The following FGF13 variants were observed in gnomAD, a reference collection of about 807,000 sequenced individuals.
The protein encoded by FGF13 is fibroblast growth factor 13.
FGF13 carries 2 observed loss-of-function variants against 19.5 expected under a neutral mutation model. That is an observed-to-expected ratio of 0.10 (90% confidence interval 0.04 to 0.32). FGF13 has a LOEUF of 0.32. Among genes scored for constraint, FGF13 ranks in the 10% least tolerant of loss-of-function variants. FGF13 has a pLI of 1.00. For synonymous variants in FGF13, 72 were observed against 76.9 expected (o/e 0.94, Z 0.33); for missense variants, 113 against 192.7 (o/e 0.59, Z 2.45).
At chrX:138,890,047 G>A (rs1439166606) in intron 1 of FGF13, among the ~76,000 whole-genome samples, 1 of 109,579 alleles carries the variant, frequency 9.1e-6, no homozygotes, top group Non-Finnish European at 1.9e-5. Flanking sequence ...TCCTGCCTCG[G>A]CCTCCCAAGT....
chrX:139,134,782 G>T (rs1314804582), intron 1 of FGF13, among the ~76,000 whole-genome samples: 1 of 112,069 alleles, frequency 8.9e-6, no homozygotes, highest in Non-Finnish European at 1.9e-5. Flanking sequence ...CCCAGTAGCT[G>T]GGATTACAGG....
intron 3 of FGF13, among the ~76,000 whole-genome samples, chrX:138,770,983 T>A (rs2090541050): frequency 9.0e-6 from 1 of 111,235 alleles, no homozygotes; most frequent in African/African-American, 3.3e-5. Flanking sequence ...CCCTCTGGCC[T>A]GGTAACATTT....
At position 138,619,493 on chromosome X, in the gene FGF13, T is replaced by C. The variant is rs2088997230; in HGVS notation, c.*13357A>G. ...GTACCCCAGAACTTCAAGTATAATA[T>C]AAAAAGAAAGAAAGACAGAAACTAT... On this transcript the variant is annotated 3_prime_UTR_variant, in exon 5 of 5. Coordinates refer to ENST00000315930, the MANE Select transcript of FGF13 (RefSeq NM_004114.5). 9.1e-6 allele frequency: 1 copy of C among 110,383 alleles called. No homozygotes were observed. Among genetic ancestry groups the C allele is most frequent in the Admixed American group, 9.7e-5 (1 of 10,343 alleles). The allele number at this position is 110,383 out of a possible 1,213,427, so 9.1% of individuals were successfully genotyped here.
chrX:139,096,632 T>C (rs188683253), intron 1 of FGF13, among the ~76,000 whole-genome samples: 48 of 111,899 alleles, frequency 4.3e-4, no homozygotes, highest in African/African-American at 1.1e-3. Flanking sequence ...AGCAATTATG[T>C]GGACTTTGAA....
At chrX:139,164,431 G>A (rs993726129) in intron 1 of FGF13, among the ~76,000 whole-genome samples, 5 of 111,218 alleles carry the variant, frequency 4.5e-5, no homozygotes, top group African/African-American at 1.3e-4. Context: ...AGTGGCTCAC[G>A]CCTGTAATCT....
At chrX:139,145,565 T>C (rs1288988341) in intron 1 of FGF13, among the ~76,000 whole-genome samples, 1 of 110,092 alleles carries the variant, frequency 9.1e-6, no homozygotes, top group Non-Finnish European at 1.9e-5. Context: ...CCATAAAACT[T>C]ACACTCCAAC....
intron 1 of FGF13, among the ~76,000 whole-genome samples, chrX:139,180,156 C>T (rs1237823477): frequency 2.7e-5 from 3 of 112,351 alleles, no homozygotes; most frequent in African/African-American, 9.7e-5. Flanking sequence ...CCTTCCTTGA[C>T]ATACCCCACC....
At chrX:138,808,033 G>A (rs182161535) in intron 3 of FGF13, among the ~76,000 whole-genome samples, 156 of 111,289 alleles carry the variant, frequency 1.4e-3, no homozygotes, top group African/African-American at 5.0e-3. Flanking sequence ...ACAGATCAAC[G>A]AGACAGAAAG....
intron 3 of FGF13, among the ~76,000 whole-genome samples, chrX:138,850,904 A>C (rs2091217428): frequency 1.8e-5 from 2 of 111,328 alleles, no homozygotes; most frequent in South Asian, 7.7e-4. Context: ...CTCTCACCTC[A>C]ACATGCTCCG....
At chrX:139,069,493 T>C (rs1603179841) in intron 1 of FGF13, among the ~76,000 whole-genome samples, 1 of 86,905 alleles carries the variant, frequency 1.2e-5, no homozygotes, top group Non-Finnish European at 2.2e-5. Context: ...GGGATAGCAT[T>C]GGGAGATATA....
chrX:138,968,675 G>A (rs1051425040), intron 1 of FGF13, among the ~76,000 whole-genome samples: 1 of 112,159 alleles, frequency 8.9e-6, no homozygotes, highest in African/African-American at 3.2e-5. Context: ...AGAAGCTATA[G>A]TGAAACTCTG....
chrX:138,702,795 C>T lies in FGF13; in HGVS notation c.402+189G>A, dbSNP rs6654352. Among the ~76,000 whole-genome samples, 960 of 112,463 alleles carry T rather than the reference C, an allele frequency of 8.5e-3. 8 individuals are homozygous for T. Among genetic ancestry groups the T allele is most frequent in the African/African-American group, 0.029 (905 of 30,946 alleles). On this transcript the variant is annotated intron_variant, in intron 3 of 4. Coordinates refer to ENST00000315930, the MANE Select transcript of FGF13 (RefSeq NM_004114.5). ...CTTTGATTATATACTAAAATGCTTG[C>T]TTCAAATAACTGATTAGTAATAGAT...
At chrX:138,983,313 CT>C (rs1373790121) in intron 1 of FGF13, among the ~76,000 whole-genome samples, 1 of 106,616 alleles carries the variant, frequency 9.4e-6, no homozygotes, top group East Asian at 3.0e-4. Context: ...TAATTTTATT[CT>C]TTTGCATGTG....
At chrX:138,772,970 A>C (rs986095005) in intron 3 of FGF13, among the ~76,000 whole-genome samples, 11 of 110,076 alleles carry the variant, frequency 1.0e-4, no homozygotes, top group Non-Finnish European at 1.9e-4. Context: ...ATATTTCTGC[A>C]CTATTGACCG....
chrX:138,717,893 T>G (rs763224446), intron 1 of FGF13, among the ~76,000 whole-genome samples: 2 of 111,857 alleles, frequency 1.8e-5, no homozygotes, highest in Non-Finnish European at 3.8e-5. Flanking sequence ...GAATTACAGG[T>G]GTGAGCCATA....
chrX:138,894,799 C>G (rs1476478926), intron 1 of FGF13, among the ~76,000 whole-genome samples: 2 of 111,801 alleles, frequency 1.8e-5, no homozygotes, highest in Non-Finnish European at 3.8e-5. Flanking sequence ...GGAATCCTCC[C>G]TAACTCATTT....
At chrX:138,679,309 G>A (rs1456347019) in intron 3 of FGF13, among the ~76,000 whole-genome samples, 3 of 110,343 alleles carry the variant, frequency 2.7e-5, no homozygotes, top group Non-Finnish European at 3.8e-5. Context: ...GAACTCATGG[G>A]ATCAAGTGAT....
At chrX:138,884,015 G>C (rs764080120) in intron 1 of FGF13, among the ~76,000 whole-genome samples, 1 of 111,991 alleles carries the variant, frequency 8.9e-6, no homozygotes, top group South Asian at 3.7e-4. Flanking sequence ...CTAGCTTTGT[G>C]ATCTTGGGTA....
intron 3 of FGF13, among the ~76,000 whole-genome samples, chrX:138,819,119 G>C (rs2090981888): frequency 9.0e-6 from 1 of 111,141 alleles, no homozygotes; most frequent in African/African-American, 3.3e-5. Flanking sequence ...CAGTTTGTAT[G>C]GTAGTTAAGA....
Sources: allele counts gnomAD v4.1 joint callset (sites outside exome capture counted in the v4.1 genomes callset), GRCh38; gene constraint gnomAD v4.1.1; transcripts MANE v1.5; gene names NCBI Gene and HGNC (gene_info 2026-07-23, HGNC 2026-07-21).